Variants in KAZN observed in about 807,000 individuals in gnomAD.
The protein encoded by KAZN is kazrin, periplakin interacting protein.
Under a neutral mutation model 87.4 loss-of-function variants are expected in KAZN, and 40 were observed. The observed-to-expected ratio is 0.46, with a 90% CI of 0.36 to 0.60. KAZN has a LOEUF of 0.60. Among genes scored for constraint, KAZN ranks in the 20% least tolerant of loss-of-function variants. The pLI is 0.00. For synonymous variants in KAZN, 466 were observed against 458.3 expected, an observed-to-expected ratio of 1.02 and a Z score of -0.22; for missense variants, 898 against 1,073.9, an observed-to-expected ratio of 0.84 and a Z score of 2.29.
intron 2 of KAZN, among the ~76,000 whole-genome samples, chr1:14,466,744 A>G (rs55681928): frequency 0.29 from 43,403 of 151,756 alleles, 7,333 homozygotes; most frequent in Non-Finnish European, 0.38. Flanking sequence ...CGAGGTGGGC[A>G]GATCACGAAG....
intron 2 of KAZN, among the ~76,000 whole-genome samples, chr1:14,219,520 C>A (rs1377259937): frequency 1.3e-5 from 2 of 152,126 alleles, no homozygotes; most frequent in African/African-American, 4.8e-5. Context: ...ATAAGACTCA[C>A]ACCACATTGG....
intron 1 of KAZN, among the ~76,000 whole-genome samples, chr1:14,176,276 C>T (rs1480524619): frequency 6.6e-6 from 1 of 152,144 alleles, no homozygotes; most frequent in African/African-American, 2.4e-5. Flanking sequence ...CTCTCTCTGG[C>T]CGTTTCTGGA....
At chr1:14,963,439 C>T (rs978121213) in intron 2 of KAZN, among the ~76,000 whole-genome samples, 1 of 152,182 alleles carries the variant, frequency 6.6e-6, no homozygotes, top group Non-Finnish European at 1.5e-5. Flanking sequence ...TCCCACTGCA[C>T]AGACACGCCT....
chr1:14,011,334 A>G (rs1431121826), intron 1 of KAZN, among the ~76,000 whole-genome samples: 1 of 152,146 alleles, frequency 6.6e-6, no homozygotes, highest in Non-Finnish European at 1.5e-5. Flanking sequence ...CACTGTGCCC[A>G]GCTCATGCCC....
chr1:14,376,785 TA>T (rs1263529963), intron 2 of KAZN, among the ~76,000 whole-genome samples: 1 of 152,290 alleles, frequency 6.6e-6, no homozygotes, highest in Admixed American at 6.5e-5. Context: ...AAACATATAG[TA>T]AGTGTTCAAT....
chr1:14,651,478 T>C (rs894255851), intron 1 of KAZN, among the ~76,000 whole-genome samples: 6 of 152,180 alleles, frequency 3.9e-5, no homozygotes, highest in African/African-American at 1.4e-4. Flanking sequence ...CTGTCTCCTC[T>C]TAACTTTTCC....
chr1:14,188,236 T>TGTGTGTGTGTGA (rs1406316215), intron 2 of KAZN, among the ~76,000 whole-genome samples: 3 of 139,204 alleles, frequency 2.2e-5, no homozygotes, highest in Admixed American at 1.4e-4. Context: ...TGTGTGTGTG[T>TGTGTGTGTGTGA]GAAAGAGAAG....
At position 14,755,039 on chromosome 1, in the gene KAZN, T is replaced by G. The variant is rs113184149; in HGVS notation, c.226+155816T>G. ...GGAGGATCGCTTGAGCCCAGGAGTT[T>G]GAGACCACCCTGGGCAACATGGAGA... On this transcript the variant is annotated intron_variant, in intron 1 of 14. Coordinates refer to ENST00000376030, the MANE Select transcript of KAZN (RefSeq NM_201628.3). Among the ~76,000 whole-genome samples the G allele has an allele frequency of 4.5e-3, 654 of 144,306 alleles. 7 individuals are homozygous for G. The highest frequency in any genetic ancestry group is 0.015 in the African/African-American group (587 of 38,078). The allele number at this position is 144,306 out of a possible 152,430, so 94.7% of individuals were successfully genotyped here.
chr1:14,958,489 G>GAGC (rs201853470), intron 1 of KAZN, among the ~76,000 whole-genome samples: 6,908 of 152,100 alleles, frequency 0.045, 304 homozygotes, highest in Non-Finnish European at 0.066. Flanking sequence ...TGTGTACATG[G>GAGC]AGCACTTCCT....
intron 1 of KAZN, among the ~76,000 whole-genome samples, chr1:14,780,820 C>G (rs1048034852): frequency 6.6e-6 from 1 of 152,146 alleles, no homozygotes; most frequent in African/African-American, 2.4e-5. Context: ...GAATTGAGTC[C>G]TGAGCTCCGC....
chr1:14,555,099 T>C (rs1469339842), intron 2 of KAZN, among the ~76,000 whole-genome samples: 1 of 152,248 alleles, frequency 6.6e-6, no homozygotes, highest in Non-Finnish European at 1.5e-5. Flanking sequence ...GCTGTCATAA[T>C]TGGCAAGTGT....
chr1:14,600,134 A>G (rs972173992), intron 1 of KAZN, among the ~76,000 whole-genome samples: 2 of 152,166 alleles, frequency 1.3e-5, no homozygotes, highest in Non-Finnish European at 2.9e-5. Flanking sequence ...TTGCCCTTTA[A>G]GAAACAGTAT....
At chr1:13,959,142 G>A (rs2101019129) in intron 1 of KAZN, among the ~76,000 whole-genome samples, 1 of 152,310 alleles carries the variant, frequency 6.6e-6, no homozygotes, top group East Asian at 1.9e-4. Context: ...AGGTGATCAG[G>A]AATTAGTGCC....
intron 2 of KAZN, among the ~76,000 whole-genome samples, chr1:14,303,836 TTC>T (rs1373319601): frequency 1.3e-5 from 2 of 152,224 alleles, no homozygotes; most frequent in African/African-American, 4.8e-5. Context: ...TCTTGCATTA[TTC>T]TCTTTTCCAT....
chr1:14,874,838 G>A lies in KAZN; in HGVS notation c.227-85846G>A, dbSNP rs180859056. Among the ~76,000 whole-genome samples the A allele has an allele frequency of 1.4e-4, 21 of 152,164 alleles. 1 individual carries two copies. Among genetic ancestry groups the A allele is most frequent in the Admixed American group, 1.3e-3 (20 of 15,280 alleles). On this transcript the variant is annotated intron_variant, in intron 1 of 14. Transcript: ENST00000376030. ...TAAGGTTTGAGAAGGGAAAGGAAAG[G>A]AAGAAAATGAGAGGAAAAAAAACTA...
At chr1:14,459,970 G>A (rs1007086448) in intron 2 of KAZN, among the ~76,000 whole-genome samples, 2 of 152,118 alleles carry the variant, frequency 1.3e-5, no homozygotes, top group African/African-American at 4.8e-5. Flanking sequence ...TTAACTAGTA[G>A]AGTAAGCTTT....
At chr1:14,045,631 C>T (rs531547590) in intron 1 of KAZN, among the ~76,000 whole-genome samples, 15 of 152,258 alleles carry the variant, frequency 9.9e-5, no homozygotes, top group African/African-American at 3.4e-4. Context: ...GGAGCCAGCC[C>T]ATGGTGGGGT....
intron 1 of KAZN, among the ~76,000 whole-genome samples, chr1:13,911,989 A>G (rs377229635): frequency 2.0e-5 from 3 of 152,244 alleles, no homozygotes; most frequent in South Asian, 2.1e-4. Flanking sequence ...CCCCATTACT[A>G]TTGTTTTAAA....
At chr1:14,909,351 TC>T (rs1204329733) in intron 1 of KAZN, among the ~76,000 whole-genome samples, 1 of 152,204 alleles carries the variant, frequency 6.6e-6, no homozygotes, top group Non-Finnish European at 1.5e-5. Flanking sequence ...CCCCATGGCC[TC>T]TGCCCTCTCT....
Sources: gnomAD v4.1 joint callset for allele counts (sites outside exome capture counted in the v4.1 genomes callset) on GRCh38, gnomAD v4.1.1 for gene constraint, MANE v1.5 for transcripts, NCBI Gene and HGNC (gene_info 2026-07-23, HGNC 2026-07-21) for gene names.